STXBP4: variants seen among roughly 807,000 people sequenced by gnomAD.
The protein encoded by STXBP4 is syntaxin binding protein 4, also known as syntaxin-binding protein 4.
A neutral mutation model predicts 76.1 loss-of-function variants in STXBP4; 55 were observed. The observed-to-expected ratio is 0.72, with a 90% CI of 0.58 to 0.91. The LOEUF (loss-of-function observed/expected upper bound fraction) is 0.91, where lower values mean the gene tolerates loss of function less well. STXBP4 is among the 40% of genes least tolerant of loss of function. The pLI, the probability that STXBP4 is intolerant of heterozygous loss-of-function variation, is 0.00. For missense variants in STXBP4, 618 were observed against 636.9 expected (o/e 0.97, Z 0.32); for synonymous variants, 201 against 220.2 (o/e 0.91, Z 0.77).
chr17:55,094,899 G>A (rs915916362), intron 16 of STXBP4, among the ~76,000 whole-genome samples: 1 of 152,186 alleles, frequency 6.6e-6, no homozygotes, highest in African/African-American at 2.4e-5. Flanking sequence ...AATATCTAGT[G>A]TGAATCAATC....
chr17:55,050,737 A>G (rs1336861547), intron 12 of STXBP4, among the ~76,000 whole-genome samples: 1 of 152,136 alleles, frequency 6.6e-6, no homozygotes, highest in Non-Finnish European at 1.5e-5. Flanking sequence ...ACACGATCTC[A>G]GCTCACTGCA....
the STXBP4 span, among the ~76,000 whole-genome samples, chr17:55,210,714 A>G: frequency 6.6e-6 from 1 of 152,242 alleles, no homozygotes; most frequent in Non-Finnish European, 1.5e-5. Flanking sequence ...TTAAATAAAG[A>G]TATATACACA....
intron 16 of STXBP4, among the ~76,000 whole-genome samples, chr17:55,125,997 C>T (rs1184715369): frequency 6.6e-6 from 1 of 152,092 alleles, no homozygotes; most frequent in Non-Finnish European, 1.5e-5. Context: ...GCATTGCAAA[C>T]CACCCAGCAA....
chr17:55,011,650 A>G (rs1198719530), intron 8 of STXBP4, among the ~76,000 whole-genome samples: 1 of 151,876 alleles, frequency 6.6e-6, no homozygotes, highest in African/African-American at 2.4e-5. Context: ...CTCTCAGGCA[A>G]TAAATTATTG....
chr17:55,039,731 A>G (rs2078666530), intron 10 of STXBP4, among the ~76,000 whole-genome samples: 1 of 146,952 alleles, frequency 6.8e-6, no homozygotes, highest in Non-Finnish European at 1.5e-5. Flanking sequence ...CTAAGGAAGA[A>G]GAATGAATAA....
intron 13 of STXBP4, among the ~76,000 whole-genome samples, chr17:55,074,215 CTA>C (rs2079154531): frequency 1.3e-5 from 2 of 152,040 alleles, no homozygotes; most frequent in South Asian, 4.1e-4. Context: ...GAAAATGAAA[CTA>C]GTGTTACAAA....
chr17:55,090,869 G>C (rs962912749), intron 16 of STXBP4, among the ~76,000 whole-genome samples: 1 of 150,830 alleles, frequency 6.6e-6, no homozygotes, highest in Non-Finnish European at 1.5e-5. Flanking sequence ...GTGTGTGTGT[G>C]TGTGTGTGTG....
At chr17:55,089,387 A>C (rs1373708611) in intron 16 of STXBP4, among the ~76,000 whole-genome samples, 5 of 152,206 alleles carry the variant, frequency 3.3e-5, no homozygotes, top group African/African-American at 1.2e-4. Flanking sequence ...GTATCATTTA[A>C]TGTTATTATT....
chr17:55,211,452 A>G, the STXBP4 span, among the ~76,000 whole-genome samples: 35 of 152,108 alleles, frequency 2.3e-4, no homozygotes, highest in Non-Finnish European at 4.6e-4. Flanking sequence ...TCAAATATGC[A>G]ATTACTTCAG....
At chr17:55,127,032 G>T (rs918180907) in intron 16 of STXBP4, among the ~76,000 whole-genome samples, 1 of 152,136 alleles carries the variant, frequency 6.6e-6, no homozygotes, top group African/African-American at 2.4e-5. Context: ...AAATGTAAGT[G>T]TACAATTCAC....
intron 16 of STXBP4, among the ~76,000 whole-genome samples, chr17:55,127,247 T>C (rs1273647984): frequency 6.6e-6 from 1 of 152,230 alleles, no homozygotes; most frequent in Non-Finnish European, 1.5e-5. Flanking sequence ...GTTTCTAGCT[T>C]CTTCCACTCA....
At chr17:55,082,143 A>G (rs948627383) in intron 16 of STXBP4, among the ~76,000 whole-genome samples, 3 of 152,236 alleles carry the variant, frequency 2.0e-5, no homozygotes, top group African/African-American at 7.2e-5. Context: ...ATTTCAAAAC[A>G]TAAATGCTTT....
chr17:55,210,805 T>A, the STXBP4 span, among the ~76,000 whole-genome samples: 2 of 152,228 alleles, frequency 1.3e-5, no homozygotes, highest in African/African-American at 4.8e-5. Context: ...TTTCATATGA[T>A]CTTATATTGT....
At chr17:55,067,023 A>G (rs1306857119) in intron 12 of STXBP4, among the ~76,000 whole-genome samples, 1 of 152,214 alleles carries the variant, frequency 6.6e-6, no homozygotes, top group Non-Finnish European at 1.5e-5. Context: ...GAAATTTCCT[A>G]TGAAAGCTTC....
intron 1 of STXBP4, among the ~76,000 whole-genome samples, chr17:54,969,835 C>A (rs555270280): frequency 2.0e-5 from 3 of 152,186 alleles, no homozygotes; most frequent in African/African-American, 7.2e-5. Context: ...GAGATCACTT[C>A]AGTGATGGAG....
At chr17:55,131,042 G>A (rs2079968347) in intron 16 of STXBP4, among the ~76,000 whole-genome samples, 3 of 152,092 alleles carry the variant, frequency 2.0e-5, no homozygotes, top group Admixed American at 2.0e-4. Flanking sequence ...CCCAGAAGTG[G>A]GATTACTGGA....
chr17:55,103,995 A>T (rs899622202), intron 16 of STXBP4, among the ~76,000 whole-genome samples: 4 of 152,158 alleles, frequency 2.6e-5, no homozygotes, highest in Admixed American at 2.0e-4. Flanking sequence ...GAGACTGCTG[A>T]AGTTGCTTAT....
rs376867023 is a variant in STXBP4 at position 55,060,127 on chromosome 17, T to A, written c.1012-12773T>A. On this transcript the variant is annotated intron_variant, in intron 12 of 17. Coordinates refer to ENST00000376352, the MANE Select transcript of STXBP4 (RefSeq NM_178509.6). ...ACATACTGAAACACCATTCATTTCA[T>A]TAACACCGTAAAAAAACATAGACTA... is the stretch of plus-strand genomic sequence containing the variant. 3.3e-5 allele frequency among the ~76,000 whole-genome samples: 5 copies of A among 152,200 alleles called. No individual in the cohort carries two copies. The South Asian group carries it at 1.0e-3, about 32-fold the overall frequency.
chr17:55,055,590 T>G (rs983683496), intron 12 of STXBP4, among the ~76,000 whole-genome samples: 5 of 152,184 alleles, frequency 3.3e-5, no homozygotes, highest in African/African-American at 1.2e-4. Context: ...TCCAGGACTT[T>G]CCATCTCAGT....
Sources: gnomAD v4.1 joint callset for allele counts (sites outside exome capture counted in the v4.1 genomes callset) on GRCh38, gnomAD v4.1.1 for gene constraint, MANE v1.5 for transcripts, NCBI Gene and HGNC (gene_info 2026-07-23, HGNC 2026-07-21) for gene names.